The following CCDC91 variants were observed in gnomAD, a reference collection of about 807,000 sequenced individuals.
CCDC91 encodes the protein coiled-coil domain-containing protein 91.
Under a neutral mutation model 63.2 loss-of-function variants are expected in CCDC91, and 48 were observed. The ratio of observed to expected loss-of-function variants is 0.76; its 90% confidence interval spans 0.60 to 0.97. The LOEUF (loss-of-function observed/expected upper bound fraction) is 0.97. Ranked by LOEUF, CCDC91 falls within the 50% of genes least tolerant of loss-of-function variation. The pLI, the probability that CCDC91 is intolerant of heterozygous loss-of-function variation, is 0.00. For missense variants in CCDC91, 500 were observed against 494.6 expected (o/e 1.01, Z -0.10); for synonymous variants, 167 against 165.8 (o/e 1.01, Z -0.06).
At chr12:28,465,118 C>T (rs980993125) in intron 11 of CCDC91, among the ~76,000 whole-genome samples, 3 of 152,146 alleles carry the variant, frequency 2.0e-5, no homozygotes, top group Non-Finnish European at 4.4e-5. Context: ...GGGTGAGGCT[C>T]CTCTACCTTT....
In CCDC91 at chr12:28,332,741, T is replaced by A. The variant is rs1014985175; in HGVS notation, c.576+24992T>A. 1.2e-4 allele frequency among the ~76,000 whole-genome samples: 19 copies of A among 152,200 alleles called. 1 individual carries two copies. Among genetic ancestry groups the A allele is most frequent in the African/African-American group, 4.6e-4 (19 of 41,456 alleles). ...CACTCATCAGTATACAACCTTGTTT[T>A]ATGTGTGTTTCTGTGGAAATCCCCT... On this transcript the variant is annotated intron_variant, in intron 6 of 12. Coordinates refer to ENST00000536442, the MANE Select transcript of CCDC91 (RefSeq NM_018318.5).
intron 6 of CCDC91, among the ~76,000 whole-genome samples, chr12:28,319,071 G>A (rs1940207915): frequency 6.6e-6 from 1 of 151,920 alleles, no homozygotes; most frequent in Non-Finnish European, 1.5e-5. Flanking sequence ...GACTCAGTAA[G>A]TAAAATGAGT....
chr12:28,492,252 C>G (rs1952054254), intron 12 of CCDC91, among the ~76,000 whole-genome samples: 1 of 151,116 alleles, frequency 6.6e-6, no homozygotes, highest in African/African-American at 2.4e-5. Flanking sequence ...TTATGAATAC[C>G]CTTAATAGTT....
chr12:28,474,672 A>G (rs1592776771), intron 11 of CCDC91, among the ~76,000 whole-genome samples: 1 of 152,262 alleles, frequency 6.6e-6, no homozygotes, highest in African/African-American at 2.4e-5. Context: ...TCTAAGAAAT[A>G]AGGCAAATTC....
intron 12 of CCDC91, among the ~76,000 whole-genome samples, chr12:28,490,153 G>A (rs769402036): frequency 3.0e-4 from 45 of 151,714 alleles, no homozygotes; most frequent in Non-Finnish European, 6.0e-4. Context: ...CCATCTTCCT[G>A]CCCCTTTCTC....
chr12:28,354,560 T>C (rs1943401195), intron 6 of CCDC91, among the ~76,000 whole-genome samples: 1 of 152,156 alleles, frequency 6.6e-6, no homozygotes, highest in South Asian at 2.1e-4. Context: ...TATTTAAATA[T>C]ATGAAGGCAA....
rs1342600063 is a variant in CCDC91, at chr12:28,312,267, T to C, written c.576+4518T>C. Among the ~76,000 whole-genome samples, 3 of 151,900 alleles carry C rather than the reference T, an allele frequency of 2.0e-5. No homozygotes were observed. The East Asian group carries it at 5.8e-4, about 30-fold the overall frequency. ...TCATTCTAGATAGAGGAAGGATGCA[T>C]AAAAATATATGGATAATTCGAAATG... On this transcript the variant is annotated intron_variant, in intron 6 of 12. Coordinates refer to ENST00000536442, the MANE Select transcript of CCDC91 (RefSeq NM_018318.5).
chr12:28,498,664 C>CT (rs1383148899), intron 12 of CCDC91, among the ~76,000 whole-genome samples: 1 of 151,662 alleles, frequency 6.6e-6, no homozygotes, highest in African/African-American at 2.4e-5. Flanking sequence ...ATCTTCTCTC[C>CT]TACCAACCTT....
At chr12:28,252,197 C>G (rs1185958318) in intron 1 of CCDC91, among the ~76,000 whole-genome samples, 1 of 152,150 alleles carries the variant, frequency 6.6e-6, no homozygotes, top group South Asian at 2.1e-4. Flanking sequence ...TATTTTCTCT[C>G]TGGAAGCTTG....
At chr12:28,535,835 T>A (rs1452504461) in intron 12 of CCDC91, among the ~76,000 whole-genome samples, 1 of 152,082 alleles carries the variant, frequency 6.6e-6, no homozygotes, top group East Asian at 1.9e-4. Context: ...AAGACCATCC[T>A]GGCTAACACG....
chr12:28,445,141 TTAGGAACTAA>T (rs1423132529), intron 8 of CCDC91, among the ~76,000 whole-genome samples: 7 of 152,234 alleles, frequency 4.6e-5, no homozygotes, highest in Admixed American at 3.3e-4. Flanking sequence ...ATGTACTGTT[TTAGGAACTAA>T]TATCAAATGA....
At chr12:28,350,721 CTCTT>C (rs1219649096) in intron 6 of CCDC91, among the ~76,000 whole-genome samples, 1 of 152,182 alleles carries the variant, frequency 6.6e-6, no homozygotes, top group Non-Finnish European at 1.5e-5. Flanking sequence ...TCCTGGGAAA[CTCTT>C]TCCTGTTCTC....
At chr12:28,524,171 T>A (rs1481789289) in intron 12 of CCDC91, among the ~76,000 whole-genome samples, 1 of 151,978 alleles carries the variant, frequency 6.6e-6, no homozygotes, top group Non-Finnish European at 1.5e-5. Flanking sequence ...TGAAGAGGAG[T>A]AGTGAGAGTG....
At chr12:28,282,147 A>G (rs1406410483) in intron 3 of CCDC91, among the ~76,000 whole-genome samples, 2 of 152,166 alleles carry the variant, frequency 1.3e-5, no homozygotes. Context: ...CTCACGTACT[A>G]CCGTTAAGTT....
intron 1 of CCDC91, chr12:28,198,805 T>C (rs922073519): frequency 1.5e-5 from 2 of 137,286 alleles, no homozygotes; most frequent in Non-Finnish European, 3.2e-5. Context: ...CATTTTGCTA[T>C]TTTTTCTGTA....
intron 6 of CCDC91, among the ~76,000 whole-genome samples, chr12:28,341,471 C>G (rs1942419919): frequency 6.6e-6 from 1 of 152,160 alleles, no homozygotes; most frequent in Non-Finnish European, 1.5e-5. Flanking sequence ...ACATTAAACT[C>G]ACCAGAATAA....
At chr12:28,310,937 C>T (rs1939259547) in intron 6 of CCDC91, among the ~76,000 whole-genome samples, 1 of 151,680 alleles carries the variant, frequency 6.6e-6, no homozygotes, top group Non-Finnish European at 1.5e-5. Flanking sequence ...ATTTTCTTAC[C>T]CAAGTTGAGA....
At chr12:28,250,323 A>C (rs914983775) in intron 1 of CCDC91, among the ~76,000 whole-genome samples, 2 of 152,176 alleles carry the variant, frequency 1.3e-5, no homozygotes, top group African/African-American at 4.8e-5. Context: ...ATCATTTATG[A>C]ATATAATGTT....
In CCDC91 at chr12:28,542,548, G is replaced by T. The variant is rs115571867; in HGVS notation, c.1216-6515G>T. Among the ~76,000 whole-genome samples the T allele has an allele frequency of 7.1e-3, 1,077 of 152,186 alleles. 13 individuals carry two copies. The highest frequency in any genetic ancestry group is 0.025 in the African/African-American group (1,050 of 41,522). ...GCGAATGATGGCTTTGAATGTTGTG[G>T]TGAAGAGGTTAGGCCTAAATTTTCT... On this transcript the variant is annotated intron_variant, in intron 12 of 12. Coordinates refer to ENST00000536442, the MANE Select transcript of CCDC91 (RefSeq NM_018318.5).
Sources: allele counts gnomAD v4.1 joint callset (sites outside exome capture counted in the v4.1 genomes callset), GRCh38; gene constraint gnomAD v4.1.1; transcripts MANE v1.5; gene names NCBI Gene and HGNC (gene_info 2026-07-23, HGNC 2026-07-21).